The following CATSPER2 variants were observed in gnomAD, a reference collection of about 807,000 sequenced individuals.
CATSPER2 encodes cation channel sperm-associated protein 2.
In CATSPER2, 56 loss-of-function variants were observed where a neutral mutation model predicts 68.8. The observed-to-expected ratio is 0.81, with a 90% confidence interval of 0.66 to 1.02. The LOEUF (loss-of-function observed/expected upper bound fraction) is 1.02. CATSPER2 is among the 50% of genes least tolerant of loss of function. CATSPER2 has a pLI of 0.00. For missense variants in CATSPER2, 582 were observed against 642.0 expected (o/e 0.91, Z 1.01); for synonymous variants, 198 against 229.9 (o/e 0.86, Z 1.26).
chr15:43,647,424 C>G lies in CATSPER2; in HGVS notation c.189G>C (p.Gln63His). The G allele has an allele frequency of 6.2e-6, 10 of 1,613,592 alleles. No homozygotes were observed. Among genetic ancestry groups the G allele is most frequent in the Non-Finnish European group, 8.5e-6 (10 of 1,179,694 alleles). The change falls in exon 3 of 13, where the codon CAG (glutamine) becomes CAC (histidine). Residue 63 changes from glutamine (Q) to histidine (H), a missense_variant. Transcript: ENST00000396879. ...GAGGCTTTATAGAGAAACGCACTAG[C>G]TGGTGTTGATCTCCCAATACAAGTT... ...QKKLVLGDQH[Q>H]LVRFSIKPQR...
rs1202082454 is a variant in CATSPER2 at position 43,629,746 on chromosome 15, A to G, written c.*955T>C. On this transcript the variant is annotated 3_prime_UTR_variant, in exon 13 of 13. Coordinates refer to ENST00000396879, the MANE Select transcript of CATSPER2 (RefSeq NM_172095.4). ...ATCCCTTCTAACACTAAAAACCTGT[A>G]CAACACTTACTGATTTGAACACTGC... The G allele has an allele frequency of 6.6e-6, 1 of 151,660 alleles. No individual in the cohort carries two copies. The highest frequency in any genetic ancestry group is 1.5e-5 in the Non-Finnish European group (1 of 67,954). 9.4% of individuals were successfully genotyped at this position (151,660 alleles called of 1,614,324 possible). A position where few individuals can be genotyped will look rare whatever the true frequency, so the allele number is the denominator to read the frequency against.
chr15:43,630,664 T>G lies in CATSPER2; in HGVS notation c.*37A>C, dbSNP rs747649866. 2 of 1,609,870 alleles carry G rather than the reference T, an allele frequency of 1.2e-6. No individual in the cohort carries two copies. The highest frequency in any genetic ancestry group is 1.7e-6 in the Non-Finnish European group (2 of 1,178,468). ...TTTCCAACAATTCCCTTCATTATCTTTTGCTGGGCCCAAGGATATTGAAGC... is the reference window on the plus strand; with the variant it reads ...TTTCCAACAATTCCCTTCATTATCTGTTGCTGGGCCCAAGGATATTGAAGC... On this transcript the variant is annotated 3_prime_UTR_variant, in exon 13 of 13. Coordinates refer to ENST00000396879, the MANE Select transcript of CATSPER2 (RefSeq NM_172095.4).
At chr15:43,636,276 G>T in intron 7 of CATSPER2, 57 bp from the exon 8 acceptor site, 1 of 1,598,428 alleles carries the variant, frequency 6.3e-7, no homozygotes, top group Non-Finnish European at 8.6e-7. Context: ...TTCAAAAATG[G>T]TACCATTCTT....
At chr15:43,635,239 C>A (rs1040723252) in intron 10 of CATSPER2, 121 bp downstream of exon 10, 2 of 942,610 alleles carry the variant, frequency 2.1e-6, no homozygotes, top group African/African-American at 3.3e-5. Flanking sequence ...CACTAGTCAA[C>A]CTACTACAAT....
intron 4 of CATSPER2, among the ~76,000 whole-genome samples, chr15:43,645,533 T>G (rs902866148): frequency 6.6e-6 from 1 of 151,618 alleles, no homozygotes; most frequent in Non-Finnish European, 1.5e-5. Context: ...ACGCCTGTAA[T>G]CCCAGCACTT....
At chr15:43,642,789 C>T (rs1294015923) in intron 4 of CATSPER2, 6 of 143,530 alleles carry the variant, frequency 4.2e-5, no homozygotes, top group African/African-American at 1.3e-4. Context: ...TTCAGAGGAA[C>T]GAATAGCAGA....
chr15:43,635,884 G>A, intron 8 of CATSPER2, 58 bp from the exon 9 acceptor site: 2 of 1,500,686 alleles, frequency 1.3e-6, no homozygotes, highest in South Asian at 2.3e-5. Context: ...TGGGAAGAGG[G>A]CTTGGGTGGG....
chr15:43,638,417 T>A (rs2086007440), intron 7 of CATSPER2, among the ~76,000 whole-genome samples: 2 of 149,568 alleles, frequency 1.3e-5, no homozygotes, highest in Admixed American at 6.7e-5. Flanking sequence ...GACTCCCGAG[T>A]AGCTGGGACT....
intron 7 of CATSPER2, among the ~76,000 whole-genome samples, chr15:43,636,824 AT>A (rs934007134): frequency 2.7e-4 from 40 of 146,722 alleles, no homozygotes; most frequent in African/African-American, 7.5e-4. Flanking sequence ...TAGTTTTTCT[AT>A]TTTTTTTTCT....
Position 43,630,496 on chromosome 15 carries a change from A to T in CATSPER2, c.*205T>A. The T allele has an allele frequency of 9.0e-7, 1 of 1,107,394 alleles. No individual in the cohort carries two copies. Among genetic ancestry groups the T allele is most frequent in the Non-Finnish European group, 1.3e-6 (1 of 785,950 alleles). 68.6% of individuals were successfully genotyped at this position (1,107,394 alleles called of 1,614,324 possible). On this transcript the variant is annotated 3_prime_UTR_variant, in exon 13 of 13. Transcript: ENST00000396879. ...CAGGCTCCCAAGTAGCTATGATTAC[A>T]AGCATCTGCCACCACACCCAGCTAA...
chr15:43,631,030 G>A (rs1278855073), intron 12 of CATSPER2, among the ~76,000 whole-genome samples: 2 of 151,956 alleles, frequency 1.3e-5, no homozygotes, highest in African/African-American at 4.8e-5. Flanking sequence ...TGTGAAGTAA[G>A]CAAAGCCTGT....
Position 43,636,103 on chromosome 15 carries a change from T to C in CATSPER2, c.959A>G (p.Tyr320Cys), listed in dbSNP as rs376695111. The C allele has an allele frequency of 6.3e-6, 10 of 1,599,280 alleles. No individual in the cohort carries two copies. Among genetic ancestry groups the C allele is most frequent in the Middle Eastern group, 1.7e-4 (1 of 6,038 alleles). ...PEVSRIFSSI[Y>C]FILWLLLGSI... is the part of the protein sequence containing the mutation. ...GCCAAGCAACAACCAAAGGATGAAA[T>C]AGATGCTGCTGAAGATGCGACTGAC... The change falls in exon 8 of 13, where the codon TAT (tyrosine) becomes TGT (cysteine). Residue 320 changes from tyrosine (Y) to cysteine (C), a missense_variant. Tyr to Cys is a radical substitution (Grantham distance 194). Coordinates refer to ENST00000396879, the MANE Select transcript of CATSPER2 (RefSeq NM_172095.4).
chr15:43,634,123 T>C (rs1241194312), intron 10 of CATSPER2: 2 of 152,018 alleles, frequency 1.3e-5, no homozygotes, highest in African/African-American at 4.8e-5. Context: ...CCACTACTAA[T>C]ATGTAAGCTC....
intron 2 of CATSPER2, 96 bp from the exon 3 acceptor site, chr15:43,647,563 C>T (rs968777909): frequency 3.0e-5 from 34 of 1,145,140 alleles, no homozygotes; most frequent in Non-Finnish European, 4.5e-5. Flanking sequence ...ATGGGTTCCC[C>T]TAATGCCTTA....
Position 43,632,722 on chromosome 15 carries a change from G to C in CATSPER2, c.1391C>G (p.Ser464Cys). ...ATTATAGTTCTTCGGCTCACCAATA[G>C]ATTCAGAAAATCTGGATTCAGAAGA... Reference protein sequence around the residue: ...SSSSESRFSESIGRLDWETLV... With the variant: ...SSSSESRFSECIGRLDWETLV... Residue 464 changes from serine to cysteine, a missense_variant, in exon 11 of 13, where the codon TCT becomes TGT. By Grantham distance (112) the Ser-to-Cys change is moderately radical. This residue lies in a region of CATSPER2 where 235 missense variants were observed against 264.2 expected (regional missense o/e 0.89). Transcript: ENST00000396879. 6.2e-7 allele frequency: 1 copy of C among 1,613,610 alleles called. No individual in the cohort carries two copies. Among genetic ancestry groups the C allele is most frequent in the African/African-American group, 1.3e-5 (1 of 74,990 alleles).
chr15:43,638,967 A>C lies in CATSPER2; in HGVS notation c.779T>G (p.Val260Gly), dbSNP rs754746013. The C allele has an allele frequency of 1.9e-6, 3 of 1,613,270 alleles. No individual in the cohort carries two copies. The Admixed American group carries it at 5.0e-5, about 27-fold the overall frequency. ...ACGGGTGTACTCTGAGAAGACGTAGACACCAGTCACAGCAAAAATGTAGAA... is the reference window on the plus strand; with the variant it reads ...ACGGGTGTACTCTGAGAAGACGTAGCCACCAGTCACAGCAAAAATGTAGAA... ...IFFYIFAVTG[V>G]YVFSEYTRSP... The change falls in exon 7 of 13, where the codon GTC becomes GGC. Residue 260 changes from valine (V) to glycine (G), a missense_variant. Coordinates refer to ENST00000396879, the MANE Select transcript of CATSPER2 (RefSeq NM_172095.4).
chr15:43,638,262 TTTTTC>T (rs1458375368), intron 7 of CATSPER2, among the ~76,000 whole-genome samples: 2 of 149,234 alleles, frequency 1.3e-5, no homozygotes, highest in Non-Finnish European at 3.0e-5. Flanking sequence ...CCTATTCCCA[TTTTTC>T]TTTTCTTTTT....
intron 4 of CATSPER2, among the ~76,000 whole-genome samples, chr15:43,642,086 A>C (rs1451021458): frequency 2.7e-5 from 4 of 146,174 alleles, no homozygotes; most frequent in Admixed American, 2.7e-4. Context: ...ATTTTAACAT[A>C]CATGAAATTA....
At position 43,638,286 on chromosome 15, in the gene CATSPER2, C is replaced by CTTTCTTT. The variant is rs1354288133; in HGVS notation, c.842+617_842+618insAAAGAAA. Among the ~76,000 whole-genome samples, 93 of 81,830 alleles carry CTTTCTTT rather than the reference C, an allele frequency of 1.1e-3. 1 individual carries two copies. The highest frequency in any genetic ancestry group is 4.0e-3 in the African/African-American group (53 of 13,270). The allele number at this position is 81,830 out of a possible 152,430, so 53.7% of individuals were successfully genotyped here. The stretch of plus-strand genomic sequence containing the variant: ...ATTTTTCTTTTCTTTTTCTTTCTTT[C>CTTTCTTT]TTTTTTTTTTTTTTTTTTTTTGAGA... On this transcript the variant is annotated intron_variant, in intron 7 of 12. Coordinates refer to ENST00000396879, the MANE Select transcript of CATSPER2 (RefSeq NM_172095.4).
Sources: allele counts gnomAD v4.1 joint callset (sites outside exome capture counted in the v4.1 genomes callset), GRCh38; gene constraint gnomAD v4.1.1; regional missense constraint gnomAD v4.1.1; transcripts MANE v1.5; gene names NCBI Gene and HGNC (gene_info 2026-07-23, HGNC 2026-07-21).